Variants in RANBP1 observed in about 807,000 individuals in gnomAD.
RANBP1 encodes ran-specific GTPase-activating protein.
Under a neutral mutation model 31.4 loss-of-function variants are expected in RANBP1, and 16 were observed. The observed-to-expected ratio is 0.51, with a 90% CI of 0.34 to 0.77. The LOEUF is 0.77. RANBP1 is among the 30% of genes least tolerant of loss of function. The pLI is 0.01. For synonymous variants in RANBP1, 129 were observed against 140.5 expected (o/e 0.92, Z 0.58); for missense variants, 265 against 362.0 (o/e 0.73, Z 2.17).
At chr22:20,117,777 G>T (rs2050073197) in intron 1 of RANBP1, 1 of 1,057,216 alleles carries the variant, frequency 9.5e-7, no homozygotes, top group East Asian at 7.5e-5. Flanking sequence ...CTGCAGGCTC[G>T]GCCGTCTGCT....
chr22:20,122,568 T>TA (rs754524653), intron 3 of RANBP1, 147 bp downstream of exon 3: 8 of 1,546,844 alleles, frequency 5.2e-6, no homozygotes, highest in African/African-American at 4.1e-5. Flanking sequence ...AAACCAGAAA[T>TA]ACGTTTTTCA....
chr22:20,116,213 G>T lies in RANBP1; in HGVS notation c.29G>T (p.Arg10Leu). 6.2e-7 allele frequency: 1 copy of T among 1,613,008 alleles called. No homozygotes were observed. Among genetic ancestry groups the T allele is most frequent in the Non-Finnish European group, 8.5e-7 (1 of 1,180,010 alleles). Reference protein sequence around the residue: MGSALGRARRTLSGRPFQRA... With the variant: MGSALGRARLTLSGRPFQRA... ...GGGTCGGCCTTGGGCCGGGCCAGGC[G>T]CACACTGAGTGGGCGGCCTTTCCAG... The change falls in exon 1 of 6, where the codon CGC (arginine) becomes CTC (leucine). Residue 10 changes from arginine (R) to leucine (L), a missense_variant. Arg to Leu is a moderately radical substitution (Grantham distance 102). This residue lies in a region of RANBP1 where 126 missense variants were observed against 123.6 expected (regional missense o/e 1.02). Coordinates refer to ENST00000430524, the MANE Select transcript of RANBP1 (RefSeq NM_001278639.2).
chr22:20,127,257 A>G lies in RANBP1; in HGVS notation c.*205A>G, dbSNP rs558257655. 7.2e-6 allele frequency: 3 copies of G among 414,490 alleles called. No individual in the cohort carries two copies. The highest frequency in any genetic ancestry group is 1.3e-5 in the Non-Finnish European group (3 of 224,968). 25.7% of individuals were successfully genotyped at this position (414,490 alleles called of 1,614,324 possible). On this transcript the variant is annotated 3_prime_UTR_variant, in exon 6 of 6. Transcript: ENST00000430524. ...GATGACTTCAGAAAATCCATTCCCC[A>G]GTCATGAAAATGTACTGTGCTAACT...
At chr22:20,117,853 GTT>G in intron 1 of RANBP1, 1 of 1,017,372 alleles carries the variant, frequency 9.8e-7, no homozygotes. Context: ...GAGTTGGGGC[GTT>G]TGGGGGTGCA....
chr22:20,118,899 C>G, intron 1 of RANBP1, 114 bp from the exon 2 acceptor site: 1 of 1,127,092 alleles, frequency 8.9e-7, no homozygotes, highest in South Asian at 1.5e-5. Context: ...TGGGCCCATC[C>G]TTGTATCTGA....
At chr22:20,116,455 C>T (rs2050022818) in intron 1 of RANBP1, 25 bp downstream of exon 1, 1 of 1,612,868 alleles carries the variant, frequency 6.2e-7, no homozygotes, top group African/African-American at 1.3e-5. Flanking sequence ...CCTGATGTAG[C>T]TGTAGAGCCC....
intron 2 of RANBP1, among the ~76,000 whole-genome samples, chr22:20,121,417 T>G (rs2871051): frequency 0.041 from 6,304 of 152,010 alleles, 175 homozygotes; most frequent in South Asian, 0.096. Flanking sequence ...ACCCGGCTAA[T>G]TTTGTATTTT....
At chr22:20,118,055 T>C (rs1276059426) in intron 1 of RANBP1, 2 of 995,234 alleles carry the variant, frequency 2.0e-6, no homozygotes, top group African/African-American at 3.5e-5. Flanking sequence ...CACGCAGCAC[T>C]TCATTCATTC....
At chr22:20,124,849 C>T (rs1459381661) in intron 3 of RANBP1, 9 of 184,412 alleles carry the variant, frequency 4.9e-5, no homozygotes, top group Admixed American at 3.1e-4. Context: ...CCCCCTGGGC[C>T]TTGTGCCCTG....
intron 2 of RANBP1, among the ~76,000 whole-genome samples, chr22:20,121,784 CTG>C (rs2147981510): frequency 6.6e-6 from 1 of 152,058 alleles, no homozygotes; most frequent in East Asian, 1.9e-4. Flanking sequence ...AATATTGTGA[CTG>C]TAGGAGCAGT....
At chr22:20,126,848 A>G (rs888192627) in intron 5 of RANBP1, 104 bp from the exon 6 acceptor site, 116 of 1,443,924 alleles carry the variant, frequency 8.0e-5, no homozygotes, top group Non-Finnish European at 8.3e-5. Context: ...GAGGGCGGGC[A>G]AGCCGCTGTG....
chr22:20,119,109 A>G lies in RANBP1; in HGVS notation c.343A>G (p.Ile115Val). The change falls in exon 2 of 6, where the codon ATT becomes GTT. Residue 115 changes from isoleucine to valine, a missense_variant. Ile to Val is a conservative substitution (Grantham distance 29). This residue lies in a region of RANBP1 where 90 missense variants were observed against 190.5 expected (regional missense o/e 0.47). Transcript: ENST00000430524. The part of the protein sequence containing the change: ...EPIVSLPEQE[I>V]KTLEEDEEEL... ...AATAGTTTCTCTTCCTGAGCAAGAA[A>G]TTAAAACACTGGAAGAAGATGAAGA... 6.2e-7 allele frequency: 1 copy of G among 1,612,828 alleles called. No homozygotes were observed. Among genetic ancestry groups the G allele is most frequent in the Non-Finnish European group, 8.5e-7 (1 of 1,179,024 alleles).
chr22:20,118,252 C>A (rs899963366), intron 1 of RANBP1: 1 of 1,002,534 alleles, frequency 1.0e-6, no homozygotes, highest in Non-Finnish European at 1.2e-6. Flanking sequence ...CTTATGTTTT[C>A]TTTTCCAGTT....
chr22:20,126,385 G>C lies in RANBP1; in HGVS notation c.736+17G>C, dbSNP rs1309571479. 1 of 1,613,962 alleles carries C rather than the reference G, an allele frequency of 6.2e-7. No homozygotes were observed. The highest frequency in any genetic ancestry group is 1.7e-5 in the Admixed American group (1 of 60,018). On this transcript the variant is annotated intron_variant, in intron 5 of 5. Coordinates refer to ENST00000430524, the MANE Select transcript of RANBP1 (RefSeq NM_001278639.2). Reference sequence around the variant, plus strand: ...AAAAGAAAGGTGACGTGGTGCCATGGGTTGGGGGGCTTCTTTGCAGACTCA... The same window carrying C: ...AAAAGAAAGGTGACGTGGTGCCATGCGTTGGGGGGCTTCTTTGCAGACTCA...
At chr22:20,118,360 C>T (rs781240710) in intron 1 of RANBP1, 274 of 1,000,512 alleles carry the variant, frequency 2.7e-4, no homozygotes, top group Non-Finnish European at 3.2e-4. Flanking sequence ...TATTGGTGCT[C>T]TCTTATCCTC....
intron 1 of RANBP1, chr22:20,118,416 A>G (rs1568978647): frequency 1.1e-6 from 1 of 910,988 alleles, no homozygotes; most frequent in South Asian, 5.1e-5. Flanking sequence ...CAATTTATCT[A>G]GTTATTAACT....
chr22:20,116,270 C>T lies in RANBP1; in HGVS notation c.86C>T (p.Ser29Phe). The change falls in exon 1 of 6, where the codon TCC becomes TTC. Residue 29 changes from serine to phenylalanine, a missense_variant. This residue lies in a region of RANBP1 where 126 missense variants were observed against 123.6 expected (regional missense o/e 1.02). Transcript: ENST00000430524. Reference sequence around the variant, plus strand: ...CCATGCAAAACGCGCAGGGCCTTGTCCCTCTCTGCAGCGCTGCGGAATGTC... The same window carrying T: ...CCATGCAAAACGCGCAGGGCCTTGTTCCTCTCTGCAGCGCTGCGGAATGTC... ...RAPCKTRRAL[S>F]LSAALRNVTK... is the part of the protein sequence containing the mutation. 1.2e-6 allele frequency: 2 copies of T among 1,612,990 alleles called. No individual in the cohort carries two copies. The highest frequency in any genetic ancestry group is 2.2e-5 in the South Asian group (2 of 91,090).
chr22:20,118,516 A>AAT (rs2050100485), intron 1 of RANBP1, among the ~76,000 whole-genome samples: 1 of 152,218 alleles, frequency 6.6e-6, no homozygotes, highest in African/African-American at 2.4e-5. Flanking sequence ...TCGTTTTACT[A>AAT]AGCAAGAGCA....
At chr22:20,122,723 CTGTGTG>C (rs544097533) in intron 3 of RANBP1, 2,021 of 928,402 alleles carry the variant, frequency 2.2e-3, no homozygotes, top group African/African-American at 0.017. Context: ...CGAGGGGGTG[CTGTGTG>C]TGTGTGTGTG....
Sources: allele counts gnomAD v4.1 joint callset (sites outside exome capture counted in the v4.1 genomes callset), GRCh38; gene constraint gnomAD v4.1.1; regional missense constraint gnomAD v4.1.1; transcripts MANE v1.5; gene names NCBI Gene and HGNC (gene_info 2026-07-23, HGNC 2026-07-21).